The following SMARCC1 variants were observed in gnomAD, a reference collection of about 807,000 sequenced individuals.
The protein encoded by SMARCC1 is SWI/SNF complex subunit SMARCC1.
A neutral mutation model predicts 147.4 loss-of-function variants in SMARCC1; 43 were observed. The ratio of observed to expected loss-of-function variants is 0.29; its 90% CI spans 0.23 to 0.38. The LOEUF is 0.38. Among genes scored for constraint, SMARCC1 ranks in the 10% least tolerant of loss-of-function variants. The probability of loss-of-function intolerance (pLI) is 1.00; values close to 1 mark genes in which losing one functional copy is unlikely to be tolerated. For missense variants in SMARCC1, 1,119 were observed against 1,381.1 expected, an observed-to-expected ratio of 0.81 and a Z score of 3.01; for synonymous variants, 495 against 484.4, an observed-to-expected ratio of 1.02 and a Z score of -0.29.
chr3:47,759,614 G>A (rs1337747960), intron 2 of SMARCC1, among the ~76,000 whole-genome samples: 8 of 101,296 alleles, frequency 7.9e-5, no homozygotes, highest in Middle Eastern at 9.3e-3. Flanking sequence ...GCTAGACTCC[G>A]TCTCAAAAAA....
intron 2 of SMARCC1, among the ~76,000 whole-genome samples, chr3:47,757,573 G>C (rs973057836): frequency 2.0e-5 from 3 of 151,926 alleles, no homozygotes; most frequent in Non-Finnish European, 4.4e-5. Flanking sequence ...TCAGGAGATC[G>C]AGACCATCCT....
At chr3:47,699,714 C>T (rs2033895561) in intron 11 of SMARCC1, among the ~76,000 whole-genome samples, 1 of 151,960 alleles carries the variant, frequency 6.6e-6, no homozygotes, top group African/African-American at 2.4e-5. Flanking sequence ...ATCAATTGCT[C>T]TGTGTTTAGT....
chr3:47,755,083 C>T (rs1014632875), intron 2 of SMARCC1, among the ~76,000 whole-genome samples: 6 of 151,594 alleles, frequency 4.0e-5, no homozygotes, highest in African/African-American at 1.5e-4. Flanking sequence ...CAGTTATGCA[C>T]GTCTGTAATC....
intron 15 of SMARCC1, among the ~76,000 whole-genome samples, chr3:47,679,889 A>G (rs895071655): frequency 3.3e-5 from 5 of 151,786 alleles, no homozygotes; most frequent in African/African-American, 1.2e-4. Context: ...AGGAAGAAAG[A>G]AAAAGAAAGT....
intron 6 of SMARCC1, among the ~76,000 whole-genome samples, chr3:47,721,227 A>G (rs1050410714): frequency 2.0e-5 from 3 of 152,148 alleles, no homozygotes; most frequent in Admixed American, 2.0e-4. Flanking sequence ...ATGTCCTATA[A>G]GCTGTAAAGT....
At chr3:47,675,023 C>T (rs1308631404) in intron 18 of SMARCC1, among the ~76,000 whole-genome samples, 4 of 152,164 alleles carry the variant, frequency 2.6e-5, no homozygotes, top group African/African-American at 9.7e-5. Context: ...GTGTGAGCCA[C>T]CGTGTCCAGC....
In SMARCC1 at chr3:47,636,079, T is replaced by A. The variant is rs78647595; in HGVS notation, c.2434A>T (p.Asn812Tyr). Reference protein sequence around the residue: ...DEGDKAQDGENEKNSEKEQDS... With the variant: ...DEGDKAQDGEYEKNSEKEQDS... The stretch of plus-strand genomic sequence containing the variant: ...TGTTCCTTTTCACTATTTTTTTCAT[T>A]TTCTCCATCTTGTGCTTTATCACCT... The change falls in exon 23 of 28, where the codon AAT becomes TAT. Residue 812 changes from asparagine (N) to tyrosine (Y), a missense_variant. By Grantham distance (143) the Asn-to-Tyr change is moderately radical. This residue lies in a region of SMARCC1 where 157 missense variants were observed against 158.6 expected (regional missense o/e 0.99). Coordinates refer to ENST00000254480, the MANE Select transcript of SMARCC1 (RefSeq NM_003074.4). 3 of 1,610,546 alleles carry A rather than the reference T, an allele frequency of 1.9e-6. No individual in the cohort carries two copies. The highest frequency in any genetic ancestry group is 2.5e-6 in the Non-Finnish European group (3 of 1,177,350).
chr3:47,657,383 C>T (rs964379153), intron 21 of SMARCC1, among the ~76,000 whole-genome samples: 5 of 152,148 alleles, frequency 3.3e-5, no homozygotes, highest in Non-Finnish European at 7.4e-5. Flanking sequence ...CTGATTACAA[C>T]GAAATGTAAC....
At chr3:47,615,956 T>C (rs2032637020) in intron 25 of SMARCC1, among the ~76,000 whole-genome samples, 2 of 152,178 alleles carry the variant, frequency 1.3e-5, no homozygotes, top group South Asian at 4.1e-4. Flanking sequence ...AGTGCTGGGA[T>C]TACAGGCGTG....
Position 47,595,298 on chromosome 3 carries a change from C to A in SMARCC1, c.3044-4461G>T, listed in dbSNP as rs372803496. Among the ~76,000 whole-genome samples the A allele has an allele frequency of 2.0e-4, 31 of 152,064 alleles. 1 individual carries two copies. The highest frequency in any genetic ancestry group is 9.6e-4 in the East Asian group (5 of 5,186). ...ATCCCAGTACTTTGGGAGGCCGAGG[C>A]GAGATCACCTGAGGTCAGGAGTTCG... On this transcript the variant is annotated intron_variant, in intron 26 of 27. Coordinates refer to ENST00000254480, the MANE Select transcript of SMARCC1 (RefSeq NM_003074.4).
chr3:47,720,647 C>A lies in SMARCC1; in HGVS notation c.716+19G>T. On this transcript the variant is annotated intron_variant, in intron 7 of 27. Coordinates refer to ENST00000254480, the MANE Select transcript of SMARCC1 (RefSeq NM_003074.4). ...TCACAGAAATCTTTATACCAGGTCTCACAGCATATGAACATTACCTGTCTG... is the reference window on the plus strand; with the variant it reads ...TCACAGAAATCTTTATACCAGGTCTAACAGCATATGAACATTACCTGTCTG... 6.6e-7 allele frequency: 1 copy of A among 1,525,490 alleles called. No individual in the cohort carries two copies. 94.5% of individuals were successfully genotyped at this position (1,525,490 alleles called of 1,614,324 possible).
chr3:47,662,256 G>C, intron 20 of SMARCC1, 78 bp downstream of exon 20: 1 of 1,162,056 alleles, frequency 8.6e-7, no homozygotes, highest in South Asian at 1.4e-5. Context: ...TAAAAGAAAT[G>C]AATGTAACGG....
At chr3:47,744,472 A>G (rs2034544573) in intron 3 of SMARCC1, among the ~76,000 whole-genome samples, 1 of 152,174 alleles carries the variant, frequency 6.6e-6, no homozygotes. Flanking sequence ...TATTTACTAT[A>G]TAAATAATTT....
chr3:47,639,878 T>G (rs2033026413), intron 21 of SMARCC1, among the ~76,000 whole-genome samples: 1 of 152,148 alleles, frequency 6.6e-6, no homozygotes, highest in Non-Finnish European at 1.5e-5. Flanking sequence ...ATGGTACAAA[T>G]GTACACATGC....
At chr3:47,604,171 T>A (rs1423624846) in intron 26 of SMARCC1, 1 of 456,642 alleles carries the variant, frequency 2.2e-6, no homozygotes, top group Non-Finnish European at 4.4e-6. Context: ...CCTAGCAGAT[T>A]CATAATACCA....
intron 21 of SMARCC1, among the ~76,000 whole-genome samples, chr3:47,648,823 A>T (rs903602331): frequency 6.6e-6 from 1 of 152,222 alleles, no homozygotes; most frequent in African/African-American, 2.4e-5. Context: ...CACAAAAAAT[A>T]GCTTCAATTA....
chr3:47,752,492 G>C (rs1412896296), intron 2 of SMARCC1, among the ~76,000 whole-genome samples: 1 of 152,108 alleles, frequency 6.6e-6, no homozygotes, highest in African/African-American at 2.4e-5. Flanking sequence ...AAAACCTAAA[G>C]AATAAAAAGG....
intron 3 of SMARCC1, among the ~76,000 whole-genome samples, chr3:47,744,881 A>C (rs1049858566): frequency 6.6e-6 from 1 of 152,176 alleles, no homozygotes; most frequent in Admixed American, 6.5e-5. Context: ...TATCTACAAC[A>C]CTGACCTAGG....
chr3:47,700,425 T>C (rs569473711), intron 11 of SMARCC1, among the ~76,000 whole-genome samples: 30 of 152,336 alleles, frequency 2.0e-4, no homozygotes, highest in African/African-American at 6.5e-4. Context: ...AGCTTATTTT[T>C]TGAAAATGTG....
Sources: gnomAD v4.1 joint callset for allele counts (sites outside exome capture counted in the v4.1 genomes callset) on GRCh38, gnomAD v4.1.1 for gene constraint, gnomAD v4.1.1 regional missense constraint, MANE v1.5 for transcripts, NCBI Gene and HGNC (gene_info 2026-07-23, HGNC 2026-07-21) for gene names.